The following RBSN variants were observed in gnomAD, a reference collection of about 807,000 sequenced individuals.
The protein encoded by RBSN is rabenosyn, RAB effector, also known as rabenosyn-5.
In RBSN, 34 loss-of-function variants were observed where a neutral mutation model predicts 60.5. The observed-to-expected ratio is 0.56, with a 90% confidence interval of 0.43 to 0.75. RBSN has a LOEUF of 0.75. Ranked by LOEUF, RBSN falls within the 30% of genes least tolerant of loss-of-function variation. The pLI is 0.00. For synonymous variants in RBSN, 322 were observed against 366.9 expected, an observed-to-expected ratio of 0.88 and a Z score of 1.40; for missense variants, 845 against 986.8, an observed-to-expected ratio of 0.86 and a Z score of 1.92.
At chr3:15,091,257 A>T in intron 4 of RBSN, 1 of 602,674 alleles carries the variant, frequency 1.7e-6, no homozygotes, top group Non-Finnish European at 2.1e-6. Flanking sequence ...TACCTCAGTT[A>T]AAATAATGTT....
Position 15,074,692 on chromosome 3 carries a change from AC to A in RBSN, c.1444del (p.Val482CysfsTer94). On this transcript the variant is annotated frameshift_variant, in exon 14 of 14. Transcript: ENST00000253699. LOFTEE classifies it low-confidence loss of function (END_TRUNC). This position sits in a 1 kb window ranked among gnomAD's most constrained non-coding sequence, Gnocchi z 6.4. ...CCGCAGGTTCTCCTGCAGAGTGCGC[AC>A]TTCATCCATGCGGCCCGCGGCCTTG... ...QAKAAGRMDE[V>X]RTLQENLRQL... 6.2e-7 allele frequency: 1 copy of A among 1,614,258 alleles called. No individual in the cohort carries two copies.
chr3:15,097,398 C>T (rs2043689507), intron 2 of RBSN, among the ~76,000 whole-genome samples: 1 of 152,146 alleles, frequency 6.6e-6, no homozygotes, highest in Non-Finnish European at 1.5e-5. Flanking sequence ...GCCTGTAATC[C>T]CAGCTAGTGG....
rs906244736 is a variant in RBSN, at chr3:15,098,162, A to G, written c.-388T>C. 6.6e-6 allele frequency: 1 copy of G among 152,156 alleles called. No individual in the cohort carries two copies. Among genetic ancestry groups the G allele is most frequent in the African/African-American group, 2.4e-5 (1 of 41,382 alleles). The allele number at this position is 152,156 out of a possible 1,614,324, so 9.4% of individuals were successfully genotyped here. ...CTTCTCCTTCACAGCACTCATCTCA[A>G]TTTATAACCGCAGGTACATACGTGA... On this transcript the variant is annotated 5_prime_UTR_variant, in exon 2 of 14. Coordinates refer to ENST00000253699, the MANE Select transcript of RBSN (RefSeq NM_022340.4).
intron 12 of RBSN, among the ~76,000 whole-genome samples, chr3:15,076,227 G>A (rs2043050344): frequency 6.6e-6 from 1 of 152,160 alleles, no homozygotes. Context: ...GCTGAATAGA[G>A]TCACTAATCA....
At position 15,080,753 on chromosome 3, in the gene RBSN, A is replaced by T; in HGVS notation, c.890T>A (p.Ile297Asn). The change falls in exon 10 of 14, where the codon ATC (isoleucine) becomes AAC (asparagine). Residue 297 changes from isoleucine to asparagine, a missense_variant. Physicochemically the swap from Ile to Asn is moderately radical, Grantham distance 149. Coordinates refer to ENST00000253699, the MANE Select transcript of RBSN (RefSeq NM_022340.4). ...TTACTTTAATGATGCTGCCATCCTGATGTATTCTGGAGCTTTCTGGTCAAC... is the reference window on the plus strand; with the variant it reads ...TTACTTTAATGATGCTGCCATCCTGTTGTATTCTGGAGCTTTCTGGTCAAC... Reference protein sequence around the residue: ...EKVDQKAPEYIRMAASLNAGE... With the variant: ...EKVDQKAPEYNRMAASLNAGE... The T allele has an allele frequency of 6.2e-7, 1 of 1,614,114 alleles. No homozygotes were observed. The highest frequency in any genetic ancestry group is 8.5e-7 in the Non-Finnish European group (1 of 1,179,984).
Position 15,070,788 on chromosome 3 carries a change from G to T in RBSN, c.*2994C>A, listed in dbSNP as rs1368972019. The T allele has an allele frequency of 1.3e-5, 2 of 152,622 alleles. No individual in the cohort carries two copies. Among genetic ancestry groups the T allele is most frequent in the African/African-American group, 4.8e-5 (2 of 41,428 alleles). The allele number at this position is 152,622 out of a possible 1,614,324, so 9.5% of individuals were successfully genotyped here. A position where few individuals can be genotyped will look rare whatever the true frequency, so the allele number is the denominator to read the frequency against. ...TGGATAAACTTAATCAAAAGAATAT[G>T]ATTTTAGTTTGGTTTAGTATATTCA... On this transcript the variant is annotated 3_prime_UTR_variant, in exon 14 of 14. Coordinates refer to ENST00000253699, the MANE Select transcript of RBSN (RefSeq NM_022340.4).
At position 15,082,536 on chromosome 3, in the gene RBSN, T is replaced by C; in HGVS notation, c.671A>G (p.His224Arg). ...TSPSQSPNSV[H>R]GSRRGSISSM... ...GCTGATGCTGCCTCGGCGGGAGCCA[T>C]GGACACTGTTGGGTGACTGGCTGGG... The change falls in exon 9 of 14, where the codon CAT (histidine) becomes CGT (arginine). Residue 224 changes from histidine to arginine, a missense_variant. By Grantham distance (29) the His-to-Arg change is conservative (BLOSUM62 0). Transcript: ENST00000253699. This position sits in a 1 kb window ranked among gnomAD's most constrained non-coding sequence, Gnocchi z 4.2. The C allele has an allele frequency of 1.2e-6, 2 of 1,614,150 alleles. No homozygotes were observed. Among genetic ancestry groups the C allele is most frequent in the Non-Finnish European group, 1.7e-6 (2 of 1,180,032 alleles).
intron 4 of RBSN, among the ~76,000 whole-genome samples, chr3:15,091,823 C>T (rs987364389): frequency 1.3e-5 from 2 of 152,216 alleles, no homozygotes; most frequent in African/African-American, 4.8e-5. Context: ...AACATGGGTT[C>T]TGCCACCTGT....
At chr3:15,090,734 T>TAGTTAATCAA (rs2125179901) in intron 4 of RBSN, among the ~76,000 whole-genome samples, 195 bp from the exon 5 acceptor site, 1 of 152,286 alleles carries the variant, frequency 6.6e-6, no homozygotes, top group Admixed American at 6.5e-5. Flanking sequence ...AGCAATACAC[T>TAGTTAATCAA]AGTTAATCAA....
intron 5 of RBSN, 64 bp downstream of exon 5, chr3:15,090,335 C>T: frequency 6.3e-7 from 1 of 1,576,948 alleles, no homozygotes. Context: ...ACTCTTAAAA[C>T]TTTACCTAGA....
intron 4 of RBSN, among the ~76,000 whole-genome samples, chr3:15,091,765 C>G (rs1446745959): frequency 1.3e-5 from 2 of 152,210 alleles, no homozygotes; most frequent in Non-Finnish European, 2.9e-5. Context: ...GAAATGAGAG[C>G]TCCAGCTCTC....
chr3:15,089,762 C>G (rs2125178280), intron 5 of RBSN, among the ~76,000 whole-genome samples: 1 of 152,176 alleles, frequency 6.6e-6, no homozygotes, highest in Admixed American at 6.5e-5. Flanking sequence ...AGGCGCCCGC[C>G]ACCACGCCCG....
At position 15,082,580 on chromosome 3, in the gene RBSN, G is replaced by A. The variant is rs754254568; in HGVS notation, c.627C>T (p.Ser209=). ...GGCTGGGGCTGGTGTGGGTGCTCAGGGACTCCTTGCTGGCACTGGTGAGCT... is the reference window on the plus strand; with the variant it reads ...GGCTGGGGCTGGTGTGGGTGCTCAGAGACTCCTTGCTGGCACTGGTGAGCT... ...ANKLTSASKE[S]LSTHTSPSQS... is the part of the protein sequence containing the mutation. The change falls in exon 9 of 14, where the codon TCC becomes TCT. Residue 209 remains serine, a synonymous_variant. Transcript: ENST00000253699. The surrounding 1 kb of genome is among the most constrained non-coding windows in gnomAD (Gnocchi z 4.2). 6.2e-7 allele frequency: 1 copy of A among 1,614,062 alleles called. No homozygotes were observed. The highest frequency in any genetic ancestry group is 1.1e-5 in the South Asian group (1 of 91,078).
intron 4 of RBSN, chr3:15,091,630 A>G: frequency 2.0e-6 from 1 of 491,100 alleles, no homozygotes; most frequent in Non-Finnish European, 3.0e-6. Context: ...ACAATGTTAT[A>G]AGGCAGGTGA....
Position 15,078,779 on chromosome 3 carries a change from CATATATATATATAT to C in RBSN, c.912-632_912-619del, listed in dbSNP as rs57572763. ...GGTCTCAAAAAAAAAAAAAAAAATA[CATATATATATATAT>C]ATATATATATATATATATATATATA... is the stretch of plus-strand genomic sequence containing the variant. On this transcript the variant is annotated intron_variant, in intron 10 of 13. Transcript: ENST00000253699. 5.2e-3 allele frequency among the ~76,000 whole-genome samples: 265 copies of C among 50,656 alleles called. 3 individuals carry two copies. Among genetic ancestry groups the C allele is most frequent in the East Asian group, 7.2e-3 (14 of 1,954 alleles). The allele number at this position is 50,656 out of a possible 152,430, so 33.2% of individuals were successfully genotyped here. A position where few individuals can be genotyped will look rare whatever the true frequency, so the allele number is the denominator to read the frequency against.
chr3:15,079,353 A>G (rs540261770), intron 10 of RBSN, among the ~76,000 whole-genome samples: 1 of 152,382 alleles, frequency 6.6e-6, no homozygotes, highest in Admixed American at 6.5e-5. Flanking sequence ...TCATTCCACA[A>G]AACGATTTAG....
At position 15,071,873 on chromosome 3, in the gene RBSN, T is replaced by A. The variant is rs1296802564; in HGVS notation, c.*1909A>T. ...GTCAGTTATTGTTCATTAGTTCAGA[T>A]GAGTAACTGCAGAAACTCTACCCAG... On this transcript the variant is annotated 3_prime_UTR_variant, in exon 14 of 14. Coordinates refer to ENST00000253699, the MANE Select transcript of RBSN (RefSeq NM_022340.4). The A allele has an allele frequency of 1.3e-5, 2 of 152,644 alleles. No homozygotes were observed. The highest frequency in any genetic ancestry group is 1.3e-4 in the Admixed American group (2 of 15,286). 9.5% of individuals were successfully genotyped at this position (152,644 alleles called of 1,614,324 possible). A position where few individuals can be genotyped will look rare whatever the true frequency, so the allele number is the denominator to read the frequency against.
chr3:15,088,448 C>T (rs2043405973), intron 5 of RBSN, among the ~76,000 whole-genome samples: 1 of 151,718 alleles, frequency 6.6e-6, no homozygotes, highest in East Asian at 1.9e-4. Flanking sequence ...GGTGCAATCT[C>T]GGCTCACTGT....
intron 4 of RBSN, 63 bp downstream of exon 4, chr3:15,095,910 A>C: frequency 6.2e-7 from 1 of 1,609,436 alleles, no homozygotes; most frequent in Non-Finnish European, 8.5e-7. Flanking sequence ...AGCTGATGAG[A>C]ACTATCCCGT....
Sources: allele counts gnomAD v4.1 joint callset (sites outside exome capture counted in the v4.1 genomes callset), GRCh38; gene constraint gnomAD v4.1.1; non-coding constraint Gnocchi (gnomAD v3.1); transcripts MANE v1.5; gene names NCBI Gene and HGNC (gene_info 2026-07-23, HGNC 2026-07-21).